The following KATNAL1 variants were observed in gnomAD, a reference collection of about 807,000 sequenced individuals.
The protein encoded by KATNAL1 is katanin catalytic subunit A1 like 1, also known as katanin p60 ATPase-containing subunit A-like 1.
KATNAL1 carries 32 observed loss-of-function variants against 55.2 expected under a neutral mutation model. The observed-to-expected ratio is 0.58, with a 90% CI of 0.44 to 0.78. The LOEUF (loss-of-function observed/expected upper bound fraction) is 0.78. KATNAL1 is among the 30% of genes least tolerant of loss of function. The pLI, the probability that KATNAL1 is intolerant of heterozygous loss-of-function variation, is 0.00. For synonymous variants in KATNAL1, 193 were observed against 193.6 expected (o/e 1.00, Z 0.02); for missense variants, 466 against 600.9 (o/e 0.78, Z 2.35).
chr13:30,269,281 G>A (rs986304057), intron 3 of KATNAL1, among the ~76,000 whole-genome samples: 20 of 152,230 alleles, frequency 1.3e-4, no homozygotes, highest in South Asian at 2.1e-4. Context: ...ACGGGGTTTC[G>A]CTGTGTTGGC....
chr13:30,229,040 A>C (rs565106570), intron 8 of KATNAL1, among the ~76,000 whole-genome samples: 62 of 152,338 alleles, frequency 4.1e-4, no homozygotes, highest in African/African-American at 1.4e-3. Context: ...GGCATGAGCC[A>C]TTGCACTCAG....
intron 3 of KATNAL1, among the ~76,000 whole-genome samples, chr13:30,278,513 T>C (rs1362339364): frequency 6.6e-6 from 1 of 152,224 alleles, no homozygotes; most frequent in African/African-American, 2.4e-5. Flanking sequence ...GTTTTGAGAT[T>C]AGTAGTCATC....
At chr13:30,274,891 ACGCGCGCG>A (rs138328965) in intron 3 of KATNAL1, among the ~76,000 whole-genome samples, 1,257 of 122,096 alleles carry the variant, frequency 0.01, 15 homozygotes, top group South Asian at 0.032. Context: ...GCACACACAT[ACGCGCGCG>A]CGCGCGCGCA....
rs1873302614 is a variant in KATNAL1 at position 30,207,944 on chromosome 13, T to C, written c.*596A>G. 1 of 152,186 alleles carries C rather than the reference T, an allele frequency of 6.6e-6. No individual in the cohort carries two copies. The highest frequency in any genetic ancestry group is 2.4e-5 in the African/African-American group (1 of 41,434). 9.4% of individuals were successfully genotyped at this position (152,186 alleles called of 1,614,324 possible). A position where few individuals can be genotyped will look rare whatever the true frequency, so the allele number is the denominator to read the frequency against. On this transcript the variant is annotated 3_prime_UTR_variant, in exon 11 of 11. Transcript: ENST00000380615. ...CACAGAGCGTGAGAATATTCCTCAGTAAAGCTCAAGATATTATGAAGTAGC... is the reference window on the plus strand; with the variant it reads ...CACAGAGCGTGAGAATATTCCTCAGCAAAGCTCAAGATATTATGAAGTAGC...
chr13:30,226,411 A>G (rs553502370), intron 9 of KATNAL1, among the ~76,000 whole-genome samples: 2 of 152,390 alleles, frequency 1.3e-5, no homozygotes, highest in South Asian at 4.1e-4. Context: ...TTGTGGTATA[A>G]TCATACCAGG....
intron 4 of KATNAL1, among the ~76,000 whole-genome samples, chr13:30,242,295 G>A (rs1384798950): frequency 6.6e-6 from 1 of 152,272 alleles, no homozygotes; most frequent in Non-Finnish European, 1.5e-5. Context: ...GAATGTCCAA[G>A]TGGCTGGAAA....
rs761170635 is a variant in KATNAL1 at position 30,231,397 on chromosome 13, T to C, written c.802A>G (p.Thr268Ala). The C allele has an allele frequency of 1.1e-5, 17 of 1,609,550 alleles. No individual in the cohort carries two copies. The highest frequency in any genetic ancestry group is 3.3e-5 in the South Asian group (3 of 89,638). ...AKAVATECGTTFFNVSSSTLT... is the reference protein window; with the variant it reads ...AKAVATECGTAFFNVSSSTLT... Reference sequence around the variant, plus strand: ...GTAGAAGACGAAACGTTGAAGAATGTTGTACCACATTCAGTGGCAACAGCT... The same window carrying C: ...GTAGAAGACGAAACGTTGAAGAATGCTGTACCACATTCAGTGGCAACAGCT... The change falls in exon 7 of 11, where the codon ACA (threonine) becomes GCA (alanine). Residue 268 changes from threonine (T) to alanine (A), a missense_variant. Thr to Ala is a moderately conservative substitution (Grantham distance 58, BLOSUM62 0). This residue lies in a region of KATNAL1 where 213 missense variants were observed against 308.6 expected (regional missense o/e 0.69). Transcript: ENST00000380615.
At position 30,217,352 on chromosome 13, in the gene KATNAL1, G is replaced by C. The variant is rs551562238; in HGVS notation, c.1148-6910C>G. Among the ~76,000 whole-genome samples the C allele has an allele frequency of 1.6e-3, 237 of 152,266 alleles. 1 individual carries two copies. Among genetic ancestry groups the C allele is most frequent in the Middle Eastern group, 3.4e-3 (1 of 294 alleles). On this transcript the variant is annotated intron_variant, in intron 9 of 10. Coordinates refer to ENST00000380615, the MANE Select transcript of KATNAL1 (RefSeq NM_032116.5). ...AACTGTAATCCCAGCTACTCGGGAGGGGGAGGCAGGAGAATGGCGTGAACT... is the reference window on the plus strand; with the variant it reads ...AACTGTAATCCCAGCTACTCGGGAGCGGGAGGCAGGAGAATGGCGTGAACT...
In KATNAL1 at chr13:30,206,189, G is replaced by C. The variant is rs1039869326; in HGVS notation, c.*2351C>G. On this transcript the variant is annotated 3_prime_UTR_variant, in exon 11 of 11. Transcript: ENST00000380615. Reference sequence around the variant, plus strand: ...CCAGCTACTCAGGAGGCCGAGGCAGGAGAATGGCTTGAACCTGGGAGGCAG... The same window carrying C: ...CCAGCTACTCAGGAGGCCGAGGCAGCAGAATGGCTTGAACCTGGGAGGCAG... 1 of 152,204 alleles carries C rather than the reference G, an allele frequency of 6.6e-6. No individual in the cohort carries two copies. The highest frequency in any genetic ancestry group is 6.6e-5 in the Admixed American group (1 of 15,264). 9.4% of individuals were successfully genotyped at this position (152,204 alleles called of 1,614,324 possible). A position where few individuals can be genotyped will look rare whatever the true frequency, so the allele number is the denominator to read the frequency against.
intron 3 of KATNAL1, among the ~76,000 whole-genome samples, chr13:30,274,907 GCACACACACACA>G (rs368435407): frequency 1.4e-3 from 151 of 105,426 alleles, no homozygotes; most frequent in South Asian, 4.4e-3. Context: ...GCGCGCGCGC[GCACACACACACA>G]CACACACACA....
chr13:30,213,677 T>C (rs985422710), intron 9 of KATNAL1, among the ~76,000 whole-genome samples: 3 of 151,196 alleles, frequency 2.0e-5, no homozygotes, highest in Non-Finnish European at 4.4e-5. Context: ...AAAAACCACA[T>C]GATTATCTCA....
intron 3 of KATNAL1, among the ~76,000 whole-genome samples, chr13:30,272,410 GAAAAA>G (rs1200780387): frequency 1.3e-5 from 2 of 151,172 alleles, no homozygotes; most frequent in East Asian, 3.9e-4. Context: ...AAAAAAGAAA[GAAAAA>G]AAGAAAAAAG....
In KATNAL1 at chr13:30,227,393, A is replaced by C; in HGVS notation, c.1147+19T>G. ...TAACAAAAAGTAACAGAAAGCTCAA[A>C]ATAGAGAAGACATCATACCTGTTGG... is the stretch of plus-strand genomic sequence containing the variant. On this transcript the variant is annotated intron_variant, in intron 9 of 10. Coordinates refer to ENST00000380615, the MANE Select transcript of KATNAL1 (RefSeq NM_032116.5). 1 of 1,599,482 alleles carries C rather than the reference A, an allele frequency of 6.3e-7. No individual in the cohort carries two copies. The highest frequency in any genetic ancestry group is 8.5e-7 in the Non-Finnish European group (1 of 1,170,854).
At chr13:30,296,630 C>T (rs1882516663) in intron 1 of KATNAL1, 3 of 695,826 alleles carry the variant, frequency 4.3e-6, no homozygotes, top group Middle Eastern at 4.1e-4. Flanking sequence ...CCATCCAGTA[C>T]ACGGACGAGC....
chr13:30,306,342 A>G (rs1025415652), intron 1 of KATNAL1, among the ~76,000 whole-genome samples: 2 of 152,176 alleles, frequency 1.3e-5, no homozygotes, highest in Admixed American at 6.5e-5. Flanking sequence ...ATAACACTGG[A>G]ATAATCAAAG....
intron 9 of KATNAL1, among the ~76,000 whole-genome samples, chr13:30,215,691 C>T (rs202113): frequency 0.29 from 43,670 of 151,544 alleles, 7,040 homozygotes; most frequent in East Asian, 0.43. Context: ...AACCAAACAC[C>T]GCATGTTCTC....
chr13:30,233,152 A>G (rs1463208167), intron 6 of KATNAL1, among the ~76,000 whole-genome samples: 1 of 152,146 alleles, frequency 6.6e-6, no homozygotes, highest in Non-Finnish European at 1.5e-5. Context: ...TGCACAGCAA[A>G]GGAAACAACA....
rs780389913 is a variant in KATNAL1, at chr13:30,208,493, C to A, written c.*47G>T. 20 of 1,396,314 alleles carry A rather than the reference C, an allele frequency of 1.4e-5. No individual in the cohort carries two copies. The highest frequency in any genetic ancestry group is 2.6e-5 in the Admixed American group (1 of 38,326). The allele number at this position is 1,396,314 out of a possible 1,614,324, so 86.5% of individuals were successfully genotyped here. On this transcript the variant is annotated 3_prime_UTR_variant, in exon 11 of 11. Transcript: ENST00000380615. The stretch of plus-strand genomic sequence containing the variant: ...TTTTTAAAAATTGCAGGAATTTCTT[C>A]GTATTTTATCAACAAAAATACCAGA...
intron 4 of KATNAL1, among the ~76,000 whole-genome samples, chr13:30,245,131 T>A (rs898610185): frequency 6.6e-6 from 1 of 151,996 alleles, no homozygotes; most frequent in Non-Finnish European, 1.5e-5. Flanking sequence ...ATATTCCCGA[T>A]GAACATCAAA....
Sources: allele counts gnomAD v4.1 joint callset (sites outside exome capture counted in the v4.1 genomes callset), GRCh38; gene constraint gnomAD v4.1.1; regional missense constraint gnomAD v4.1.1; transcripts MANE v1.5; gene names NCBI Gene and HGNC (gene_info 2026-07-23, HGNC 2026-07-21).